Variants in FMNL2 observed in about 807,000 individuals in gnomAD.
FMNL2 encodes formin like 2.
In FMNL2, 51 loss-of-function variants were observed where a neutral mutation model predicts 130.2. The observed-to-expected ratio is 0.39, with a 90% CI of 0.31 to 0.49. FMNL2 has a LOEUF of 0.49. FMNL2 is among the 20% of genes least tolerant of loss of function. The pLI is 0.85. For missense variants in FMNL2, 977 were observed against 1,316.2 expected (o/e 0.74, Z 3.99); for synonymous variants, 465 against 467.1 (o/e 1.00, Z 0.06).
chr2:152,400,198 C>T (rs35083325), intron 1 of FMNL2, among the ~76,000 whole-genome samples: 25,890 of 152,010 alleles, frequency 0.17, 2,412 homozygotes, highest in Admixed American at 0.26. Context: ...TTTGGGAAGC[C>T]GAGGCGGGCG....
intron 8 of FMNL2, among the ~76,000 whole-genome samples, chr2:152,579,891 A>G (rs1487071151): frequency 3.3e-5 from 5 of 152,214 alleles, no homozygotes; most frequent in African/African-American, 7.2e-5. Flanking sequence ...CAAATGTGCA[A>G]TTCCTTTTCA....
At chr2:152,569,748 A>G (rs897071814) in intron 6 of FMNL2, among the ~76,000 whole-genome samples, 1 of 151,372 alleles carries the variant, frequency 6.6e-6, no homozygotes, top group Non-Finnish European at 1.5e-5. Flanking sequence ...GGTGGCTCAC[A>G]TCTGTAATCT....
At chr2:152,642,010 A>G (rs751562768) in intron 25 of FMNL2, among the ~76,000 whole-genome samples, 19 of 150,868 alleles carry the variant, frequency 1.3e-4, no homozygotes, top group African/African-American at 3.2e-4. Flanking sequence ...GTGCTATCTC[A>G]GCTCACTGCA....
intron 2 of FMNL2, among the ~76,000 whole-genome samples, chr2:152,529,606 G>A (rs1004719211): frequency 6.6e-6 from 1 of 152,142 alleles, no homozygotes; most frequent in Non-Finnish European, 1.5e-5. Context: ...AATAGCAGAT[G>A]CCAACTCTTT....
Position 152,628,382 on chromosome 2 carries a change from G to A in FMNL2, c.2249G>A (p.Arg750Gln). Residue 750 changes from arginine to glutamine, a missense_variant, in exon 18 of 26, where the codon CGG (arginine) becomes CAG (glutamine). Coordinates refer to ENST00000288670, the MANE Select transcript of FMNL2 (RefSeq NM_052905.4). ...ACTGAGAATGAAGTGAAAGTGCTTC[G>A]GCTCTACGAGCGGGAAAGGAAGCCT... is the stretch of plus-strand genomic sequence containing the variant. ...LPTENEVKVL[R>Q]LYERERKPLE... 2 of 1,613,976 alleles carry A rather than the reference G, an allele frequency of 1.2e-6. No homozygotes were observed. The highest frequency in any genetic ancestry group is 1.7e-6 in the Non-Finnish European group (2 of 1,179,882).
chr2:152,546,458 C>T (rs997377276), intron 3 of FMNL2, among the ~76,000 whole-genome samples: 25 of 152,046 alleles, frequency 1.6e-4, no homozygotes, highest in African/African-American at 5.8e-4. Context: ...CTTATTATCA[C>T]GAGGACAGCA....
intron 1 of FMNL2, among the ~76,000 whole-genome samples, chr2:152,463,112 G>T (rs1477434431): frequency 6.6e-6 from 1 of 152,206 alleles, no homozygotes; most frequent in Non-Finnish European, 1.5e-5. Context: ...CTAGTTGTTA[G>T]AAGAGGAGTT....
At chr2:152,481,620 A>G (rs911221294) in intron 1 of FMNL2, among the ~76,000 whole-genome samples, 1 of 152,098 alleles carries the variant, frequency 6.6e-6, no homozygotes, top group African/African-American at 2.4e-5. Context: ...ATTGACAGCC[A>G]CAGCTACAGC....
chr2:152,541,962 A>C (rs10172230), intron 2 of FMNL2, among the ~76,000 whole-genome samples: 54,903 of 151,898 alleles, frequency 0.36, 10,202 homozygotes, highest in East Asian at 0.54. Flanking sequence ...GGTCTATAAA[A>C]CCTGATACAC....
intron 4 of FMNL2, among the ~76,000 whole-genome samples, chr2:152,549,370 C>G (rs1694817343): frequency 6.6e-6 from 1 of 152,170 alleles, no homozygotes; most frequent in African/African-American, 2.4e-5. Context: ...GTGTGCATAA[C>G]AATTCTCTGG....
intron 15 of FMNL2, among the ~76,000 whole-genome samples, chr2:152,621,672 G>A (rs1681317849): frequency 6.6e-6 from 1 of 152,172 alleles, no homozygotes; most frequent in Non-Finnish European, 1.5e-5. Flanking sequence ...TCGAGATCAG[G>A]CAATTTCTCC....
At chr2:152,337,325 TC>T (rs1194524411) in intron 1 of FMNL2, among the ~76,000 whole-genome samples, 2 of 152,044 alleles carry the variant, frequency 1.3e-5, no homozygotes, top group Non-Finnish European at 2.9e-5. Context: ...GGTTCTTACC[TC>T]CTGGCTCTGG....
At chr2:152,436,899 A>G (rs61549674) in intron 1 of FMNL2, among the ~76,000 whole-genome samples, 35,754 of 152,068 alleles carry the variant, frequency 0.24, 4,804 homozygotes, top group East Asian at 0.43. Flanking sequence ...AGATTGGGCA[A>G]TGTCTTAGTT....
chr2:152,559,864 G>A (rs1695428876), intron 5 of FMNL2, among the ~76,000 whole-genome samples: 1 of 152,138 alleles, frequency 6.6e-6, no homozygotes, highest in African/African-American at 2.4e-5. Context: ...GCAGCCAAAG[G>A]CATGACAGAA....
At chr2:152,456,277 AT>A (rs1170656056) in intron 1 of FMNL2, among the ~76,000 whole-genome samples, 5 of 152,312 alleles carry the variant, frequency 3.3e-5, no homozygotes, top group South Asian at 4.1e-4. Context: ...AGAATTGTGG[AT>A]TTGGTAGATG....
At chr2:152,480,219 C>G (rs1261660704) in intron 1 of FMNL2, among the ~76,000 whole-genome samples, 1 of 152,154 alleles carries the variant, frequency 6.6e-6, no homozygotes, top group Non-Finnish European at 1.5e-5. Context: ...ACCTGTTGGT[C>G]TATCAGATCT....
chr2:152,577,748 G>C (rs1005257376), intron 7 of FMNL2, among the ~76,000 whole-genome samples: 1 of 152,170 alleles, frequency 6.6e-6, no homozygotes, highest in African/African-American at 2.4e-5. Context: ...GCAAAGTGCA[G>C]GTCTTTGGTG....
intron 1 of FMNL2, among the ~76,000 whole-genome samples, chr2:152,403,097 G>A (rs1685798347): frequency 1.3e-5 from 2 of 152,062 alleles, no homozygotes; most frequent in Admixed American, 1.3e-4. Flanking sequence ...CTGGGGTTGT[G>A]GATTTTGAGG....
At chr2:152,374,759 G>T (rs1684068348) in intron 1 of FMNL2, among the ~76,000 whole-genome samples, 1 of 152,180 alleles carries the variant, frequency 6.6e-6, no homozygotes. Context: ...CTGGCTGCTA[G>T]ATCATCGTCT....
Sources: allele counts gnomAD v4.1 joint callset (sites outside exome capture counted in the v4.1 genomes callset), GRCh38; gene constraint gnomAD v4.1.1; transcripts MANE v1.5; gene names NCBI Gene and HGNC (gene_info 2026-07-23, HGNC 2026-07-21).